The following STMND1 variants were observed in gnomAD, a reference collection of about 807,000 sequenced individuals.
STMND1 encodes stathmin domain containing 1, also known as stathmin domain-containing protein 1.
Under a neutral mutation model 23.0 loss-of-function variants are expected in STMND1, and 17 were observed. The ratio of observed to expected loss-of-function variants is 0.74; its 90% CI spans 0.51 to 1.11. STMND1 has a LOEUF of 1.11. Among genes scored for constraint, STMND1 ranks in the 50% least tolerant of loss-of-function variants. The pLI, the probability that STMND1 is intolerant of heterozygous loss-of-function variation, is 0.00. For missense variants in STMND1, 305 were observed against 329.1 expected, an observed-to-expected ratio of 0.93 and a Z score of 0.57; for synonymous variants, 114 against 119.9, an observed-to-expected ratio of 0.95 and a Z score of 0.32.
chr6:17,110,983 G>A, intron 1 of STMND1: 1 of 403,952 alleles, frequency 2.5e-6, no homozygotes, highest in South Asian at 1.8e-5. Flanking sequence ...AGAAGACATG[G>A]TAGTCAGGGG....
chr6:17,123,330 T>G (rs545951410), intron 3 of STMND1, among the ~76,000 whole-genome samples: 1 of 152,344 alleles, frequency 6.6e-6, no homozygotes, highest in African/African-American at 2.4e-5. Flanking sequence ...CAAAAGGATT[T>G]AAATGTGACA....
chr6:17,112,054 A>T lies in STMND1; in HGVS notation c.82-2908A>T, dbSNP rs146006854. Among the ~76,000 whole-genome samples, 17 of 152,344 alleles carry T rather than the reference A, an allele frequency of 1.1e-4. No individual in the cohort carries two copies. The East Asian group carries it at 3.3e-3, about 29-fold the overall frequency. ...GGGACACATTCAAATCATAGCATCC[A>T]TTTAAAATGTACAATTGACAGCCAT... is the stretch of plus-strand genomic sequence containing the variant. On this transcript the variant is annotated intron_variant, in intron 1 of 4. Transcript: ENST00000536551.
intron 3 of STMND1, chr6:17,128,230 T>C (rs973442855): frequency 7.2e-5 from 11 of 152,252 alleles, no homozygotes. Context: ...CATTACTGCT[T>C]TGAACTGTTG....
At position 17,128,961 on chromosome 6, in the gene STMND1, C is replaced by T. The variant is rs1360179288; in HGVS notation, c.412-151C>T. ...CTCCGGAGCTCAAGCAGTCTTCCCA[C>T]CTTGGCCTCCCAAAGTGCCGGGATT... On this transcript the variant is annotated intron_variant, in intron 3 of 4. Coordinates refer to ENST00000536551, the MANE Select transcript of STMND1 (RefSeq NM_001190766.2). The T allele has an allele frequency of 2.5e-5, 17 of 692,712 alleles. 1 individual carries two copies. The East Asian group carries it at 5.6e-4, about 23-fold the overall frequency. 42.9% of individuals were successfully genotyped at this position (692,712 alleles called of 1,614,324 possible). A position where few individuals can be genotyped will look rare whatever the true frequency, so the allele number is the denominator to read the frequency against.
intron 3 of STMND1, among the ~76,000 whole-genome samples, chr6:17,123,433 A>G (rs1159522984): frequency 6.6e-6 from 1 of 152,166 alleles, no homozygotes; most frequent in Non-Finnish European, 1.5e-5. Flanking sequence ...CCAGGCAGCA[A>G]CACACAGCTC....
At chr6:17,122,893 A>AG in intron 3 of STMND1, among the ~76,000 whole-genome samples, 1 of 152,164 alleles carries the variant, frequency 6.6e-6, no homozygotes. Context: ...TTAATATCAA[A>AG]GGGGAGAGGA....
intron 2 of STMND1, among the ~76,000 whole-genome samples, chr6:17,118,230 A>G (rs1470540546): frequency 1.3e-5 from 2 of 152,170 alleles, no homozygotes; most frequent in African/African-American, 4.8e-5. Context: ...TTTTACACTT[A>G]TGCTTATGAA....
intron 2 of STMND1, among the ~76,000 whole-genome samples, chr6:17,119,477 G>C (rs749831934): frequency 1.3e-4 from 20 of 152,270 alleles, no homozygotes; most frequent in Middle Eastern, 3.4e-3. Context: ...GCCGAGACAG[G>C]CAGATCACCT....
intron 2 of STMND1, among the ~76,000 whole-genome samples, chr6:17,116,510 G>A (rs772680003): frequency 1.8e-4 from 27 of 151,838 alleles, no homozygotes; most frequent in Non-Finnish European, 3.1e-4. Context: ...TGCAATCTCC[G>A]CTCACTGCAA....
At position 17,130,562 on chromosome 6, in the gene STMND1, G is replaced by A. The variant is rs557117024; in HGVS notation, c.544-32G>A. ...TCACAACTTGGAGAAAGTTATTCAC[G>A]CTCTTTTTCATTCTTTAATACTGCA... On this transcript the variant is annotated intron_variant, in intron 4 of 4. Transcript: ENST00000536551. The A allele has an allele frequency of 7.2e-5, 104 of 1,442,046 alleles. No homozygotes were observed. In the Middle Eastern group the frequency reaches 1.4e-3, roughly 20 times the overall value. The allele number at this position is 1,442,046 out of a possible 1,614,324, so 89.3% of individuals were successfully genotyped here.
chr6:17,115,788 A>AG (rs1239152157), intron 2 of STMND1, among the ~76,000 whole-genome samples: 1 of 152,148 alleles, frequency 6.6e-6, no homozygotes, highest in African/African-American at 2.4e-5. Flanking sequence ...TTTTTATTTC[A>AG]GGGGGGAAGA....
intron 2 of STMND1, 79 bp downstream of exon 2, chr6:17,115,218 T>A (rs1212410587): frequency 1.5e-6 from 2 of 1,370,650 alleles, no homozygotes. Flanking sequence ...GTTTCTTTGG[T>A]GGTCCTTTTA....
At chr6:17,110,199 T>C (rs1028421192) in intron 1 of STMND1, among the ~76,000 whole-genome samples, 1 of 152,214 alleles carries the variant, frequency 6.6e-6, no homozygotes, top group Non-Finnish European at 1.5e-5. Context: ...TACAAACTTT[T>C]ATCACAGTAC....
chr6:17,126,066 ATATATTTTT>A (rs1270614550), intron 3 of STMND1, among the ~76,000 whole-genome samples: 4 of 23,296 alleles, frequency 1.7e-4, no homozygotes, highest in South Asian at 5.2e-3. Context: ...ATATATATAT[ATATATTTTT>A]TTTTTTTTTT....
intron 1 of STMND1, among the ~76,000 whole-genome samples, chr6:17,111,375 A>G (rs1207873578): frequency 6.6e-6 from 1 of 152,234 alleles, no homozygotes; most frequent in South Asian, 2.1e-4. Flanking sequence ...CCAGGAATGT[A>G]TTCTCATGGA....
chr6:17,108,675 C>A (rs538942630), intron 1 of STMND1, among the ~76,000 whole-genome samples: 1 of 149,822 alleles, frequency 6.7e-6, no homozygotes, highest in South Asian at 2.1e-4. Flanking sequence ...ATAGGGTCTC[C>A]TTCCTGTTCT....
intron 3 of STMND1, among the ~76,000 whole-genome samples, chr6:17,125,553 G>A (rs1410908907): frequency 6.6e-6 from 1 of 152,140 alleles, no homozygotes; most frequent in Non-Finnish European, 1.5e-5. Flanking sequence ...AGTGTACTTG[G>A]AGAGTTTGTT....
At chr6:17,110,586 G>T (rs953531989) in intron 1 of STMND1, 19 of 305,148 alleles carry the variant, frequency 6.2e-5, no homozygotes, top group Non-Finnish European at 6.5e-6. Flanking sequence ...TGGCCAACAT[G>T]GTGAAACCCC....
At position 17,130,659 on chromosome 6, in the gene STMND1, A is replaced by C. The variant is rs1164854508; in HGVS notation, c.609A>C (p.Ser203=). The part of the protein sequence containing the change: ...SDRLLPSANH[S]DSAELDGAEV... ...GACTTTTGCCTTCAGCCAATCACTC[A>C]GATTCAGCTGAATTAGATGGGGCCG... is the stretch of plus-strand genomic sequence containing the variant. Residue 203 remains serine (S), a synonymous_variant, in exon 5 of 5, where the codon TCA becomes TCC. Coordinates refer to ENST00000536551, the MANE Select transcript of STMND1 (RefSeq NM_001190766.2). The C allele has an allele frequency of 5.9e-6, 9 of 1,535,998 alleles. No individual in the cohort carries two copies. Among genetic ancestry groups the C allele is most frequent in the South Asian group, 2.4e-5 (2 of 84,034 alleles).
Sources: gnomAD v4.1 joint callset for allele counts (sites outside exome capture counted in the v4.1 genomes callset) on GRCh38, gnomAD v4.1.1 for gene constraint, MANE v1.5 for transcripts, NCBI Gene and HGNC (gene_info 2026-07-23, HGNC 2026-07-21) for gene names.